SKAP1: variants seen among roughly 807,000 people sequenced by gnomAD.
SKAP1 encodes the protein src kinase associated phosphoprotein 1, also known as src kinase-associated phosphoprotein 1.
A neutral mutation model predicts 58.5 loss-of-function variants in SKAP1; 44 were observed. The ratio of observed to expected loss-of-function variants is 0.75; its 90% confidence interval spans 0.59 to 0.97. The LOEUF (loss-of-function observed/expected upper bound fraction) is 0.97, where lower values mean the gene tolerates loss of function less well. SKAP1 is among the 50% of genes least tolerant of loss of function. The probability of loss-of-function intolerance (pLI) is 0.00; values close to 1 mark genes in which losing one functional copy is unlikely to be tolerated. For missense variants in SKAP1, 390 were observed against 435.2 expected (o/e 0.90, Z 0.92); for synonymous variants, 127 against 149.7 (o/e 0.85, Z 1.11).
rs1366828635 is a variant in SKAP1, at chr17:48,384,060, A to G, written c.152+12620T>C. Among the ~76,000 whole-genome samples the G allele has an allele frequency of 2.6e-5, 4 of 152,094 alleles. No homozygotes were observed. The East Asian group carries it at 7.7e-4, about 29-fold the overall frequency. Reference sequence around the variant, plus strand: ...CCTTTTTAAAAAGTTTGCTCTTTCAACATGGAATGGAGGAGCAGAATAAAC... The same window carrying G: ...CCTTTTTAAAAAGTTTGCTCTTTCAGCATGGAATGGAGGAGCAGAATAAAC... On this transcript the variant is annotated intron_variant, in intron 2 of 12. Coordinates refer to ENST00000336915, the MANE Select transcript of SKAP1 (RefSeq NM_003726.4).
chr17:48,417,991 C>A (rs1292391440), intron 1 of SKAP1, among the ~76,000 whole-genome samples: 2 of 151,888 alleles, frequency 1.3e-5, no homozygotes, highest in Non-Finnish European at 2.9e-5. Context: ...AAAAAAACAA[C>A]AACAACAATA....
intron 11 of SKAP1, among the ~76,000 whole-genome samples, chr17:48,141,528 C>T (rs1391724650): frequency 6.6e-6 from 1 of 151,914 alleles, no homozygotes; most frequent in Non-Finnish European, 1.5e-5. Context: ...AGGTGCCTGC[C>T]ACCACACCTC....
chr17:48,157,305 G>A (rs1468185946), intron 11 of SKAP1, among the ~76,000 whole-genome samples: 7 of 150,958 alleles, frequency 4.6e-5, no homozygotes, highest in Non-Finnish European at 8.9e-5. Flanking sequence ...GCGTAATCTC[G>A]GCTCACTGCA....
chr17:48,208,004 GC>G (rs1349519315), intron 4 of SKAP1, among the ~76,000 whole-genome samples: 7 of 152,156 alleles, frequency 4.6e-5, no homozygotes, highest in Non-Finnish European at 7.3e-5. Flanking sequence ...AAAGTACAAG[GC>G]TATAAAACAG....
At chr17:48,189,960 G>A (rs553434195) in intron 4 of SKAP1, among the ~76,000 whole-genome samples, 15 of 152,134 alleles carry the variant, frequency 9.9e-5, no homozygotes, top group African/African-American at 2.2e-4. Flanking sequence ...TTACAGACGT[G>A]AGCCACCACA....
At chr17:48,359,649 T>C (rs1598611164) in intron 3 of SKAP1, among the ~76,000 whole-genome samples, 1 of 152,178 alleles carries the variant, frequency 6.6e-6, no homozygotes, top group Admixed American at 6.6e-5. Context: ...CTCGGTCTCC[T>C]ATGCTGAAGT....
intron 2 of SKAP1, among the ~76,000 whole-genome samples, chr17:48,393,904 C>T (rs113633423): frequency 2.1e-5 from 3 of 141,772 alleles, no homozygotes; most frequent in East Asian, 4.2e-4. Flanking sequence ...CCACCCCCCC[C>T]AAATTTATCA....
chr17:48,269,899 G>A (rs1489746844), intron 4 of SKAP1, among the ~76,000 whole-genome samples: 1 of 152,110 alleles, frequency 6.6e-6, no homozygotes, highest in Non-Finnish European at 1.5e-5. Context: ...TATCACCTGA[G>A]GTCGGGAGTT....
chr17:48,383,388 T>C (rs117271197), intron 2 of SKAP1, among the ~76,000 whole-genome samples: 263 of 152,264 alleles, frequency 1.7e-3, no homozygotes, highest in Non-Finnish European at 3.2e-3. Flanking sequence ...AAAATGGAAG[T>C]TGTTCCCAGT....
chr17:48,361,743 G>T (rs1202309816), intron 3 of SKAP1, among the ~76,000 whole-genome samples: 2 of 152,138 alleles, frequency 1.3e-5, no homozygotes, highest in Non-Finnish European at 2.9e-5. Context: ...CAGCATTTCT[G>T]TTCTTTCTCA....
At chr17:48,348,421 C>T (rs1339326337) in intron 3 of SKAP1, among the ~76,000 whole-genome samples, 1 of 149,648 alleles carries the variant, frequency 6.7e-6, no homozygotes, top group Non-Finnish European at 1.5e-5. Context: ...AAAAAACATG[C>T]AGATCAGGAA....
intron 1 of SKAP1, among the ~76,000 whole-genome samples, chr17:48,421,855 A>G (rs897988619): frequency 6.6e-5 from 10 of 152,204 alleles, no homozygotes; most frequent in African/African-American, 1.4e-4. Flanking sequence ...TCCTTCCTCC[A>G]TAAAGTTTCT....
intron 4 of SKAP1, among the ~76,000 whole-genome samples, chr17:48,237,097 C>T (rs2065189622): frequency 1.3e-5 from 2 of 152,178 alleles, no homozygotes; most frequent in South Asian, 4.1e-4. Context: ...TTTCTGACTC[C>T]AGAAACCATC....
chr17:48,405,385 T>C (rs1354839695), intron 1 of SKAP1, among the ~76,000 whole-genome samples: 3 of 151,168 alleles, frequency 2.0e-5, no homozygotes, highest in South Asian at 4.2e-4. Flanking sequence ...TTTCTTTTTT[T>C]CTCTTTCCTT....
chr17:48,366,746 A>G (rs2067008256), intron 2 of SKAP1, among the ~76,000 whole-genome samples: 1 of 152,106 alleles, frequency 6.6e-6, no homozygotes, highest in Non-Finnish European at 1.5e-5. Context: ...GCTATTTTCC[A>G]TCTTCTCTTG....
At chr17:48,359,386 A>C (rs1247408758) in intron 3 of SKAP1, among the ~76,000 whole-genome samples, 1 of 152,216 alleles carries the variant, frequency 6.6e-6, no homozygotes, top group Non-Finnish European at 1.5e-5. Context: ...CACCTAAAAA[A>C]ATCCAGTAGT....
In SKAP1 at chr17:48,410,910, G is replaced by A. The variant is rs532346234; in HGVS notation, c.47-14125C>T. Among the ~76,000 whole-genome samples, 113 of 114,356 alleles carry A rather than the reference G, an allele frequency of 9.9e-4. 1 individual carries two copies. Among genetic ancestry groups the A allele is most frequent in the African/African-American group, 3.6e-3 (106 of 29,486 alleles). The allele number at this position is 114,356 out of a possible 152,430, so 75.0% of individuals were successfully genotyped here. ...CCACTGCACTTTAGCCTGGGTGACA[G>A]AGCGACAGAGCGAGACTCCATTTCA... On this transcript the variant is annotated intron_variant, in intron 1 of 12. Transcript: ENST00000336915.
intron 4 of SKAP1, among the ~76,000 whole-genome samples, chr17:48,259,701 G>T (rs960481508): frequency 6.6e-6 from 1 of 152,108 alleles, no homozygotes; most frequent in African/African-American, 2.4e-5. Flanking sequence ...CTGTTGCTAC[G>T]AATGTTAGTA....
intron 4 of SKAP1, among the ~76,000 whole-genome samples, chr17:48,239,703 C>T (rs1209928189): frequency 2.0e-5 from 3 of 152,020 alleles, no homozygotes; most frequent in Non-Finnish European, 4.4e-5. Context: ...GAGAGAAAAA[C>T]AGGCAACCAT....
Sources: gnomAD v4.1 joint callset for allele counts (sites outside exome capture counted in the v4.1 genomes callset) on GRCh38, gnomAD v4.1.1 for gene constraint, MANE v1.5 for transcripts, NCBI Gene and HGNC (gene_info 2026-07-23, HGNC 2026-07-21) for gene names.